AKAP13: variants seen among roughly 807,000 people sequenced by gnomAD.
AKAP13 encodes the protein A-kinase anchor protein 13.
In AKAP13, 80 loss-of-function variants were observed where a neutral mutation model predicts 264.5. That is an observed-to-expected ratio of 0.30 (90% confidence interval 0.25 to 0.36). AKAP13 has a LOEUF of 0.36. AKAP13 is among the 10% of genes least tolerant of loss of function. The pLI, the probability that AKAP13 is intolerant of heterozygous loss-of-function variation, is 1.00. For missense variants in AKAP13, 3,712 were observed against 3,435.2 expected (o/e 1.08, Z -2.01); for synonymous variants, 1,380 against 1,250.2 (o/e 1.10, Z -2.19).
intron 4 of AKAP13, among the ~76,000 whole-genome samples, chr15:85,543,364 A>G (rs965574884): frequency 3.9e-5 from 6 of 152,206 alleles, no homozygotes; most frequent in East Asian, 1.9e-4. Flanking sequence ...CCCAACAGCT[A>G]TTCCCTCTTG....
chr15:85,421,581 GTGTGCGCGCGCGCC>G (rs1471572752), intron 1 of AKAP13, among the ~76,000 whole-genome samples: 4 of 152,238 alleles, frequency 2.6e-5, no homozygotes, highest in Non-Finnish European at 1.5e-5. Context: ...GTGTGTGCGC[GTGTGCGCGCGCGCC>G]TGTGCACACT....
At chr15:85,547,183 AT>A (rs2077781883) in intron 5 of AKAP13, among the ~76,000 whole-genome samples, 1 of 152,192 alleles carries the variant, frequency 6.6e-6, no homozygotes, top group African/African-American at 2.4e-5. Flanking sequence ...TATATTTTAC[AT>A]TTATTGAATA....
At chr15:85,458,289 GA>G (rs2074354572) in intron 1 of AKAP13, among the ~76,000 whole-genome samples, 1 of 151,120 alleles carries the variant, frequency 6.6e-6, no homozygotes, top group South Asian at 2.1e-4. Flanking sequence ...ATATAAAGTA[GA>G]AAAATGAAAA....
chr15:85,650,676 A>G (rs2082763647), intron 10 of AKAP13, among the ~76,000 whole-genome samples: 1 of 142,276 alleles, frequency 7.0e-6, no homozygotes, highest in Non-Finnish European at 1.5e-5. Flanking sequence ...GAATCATTCG[A>G]ACCTGGGAGG....
chr15:85,688,201 C>T (rs1314640174), intron 16 of AKAP13, among the ~76,000 whole-genome samples: 2 of 152,026 alleles, frequency 1.3e-5, no homozygotes, highest in Non-Finnish European at 2.9e-5. Flanking sequence ...ATTAAATTTT[C>T]TTAACATAGT....
chr15:85,606,468 A>G (rs1034500783), intron 8 of AKAP13, among the ~76,000 whole-genome samples: 2 of 152,090 alleles, frequency 1.3e-5, no homozygotes, highest in Non-Finnish European at 2.9e-5. Flanking sequence ...ATGCATATTT[A>G]TTTACACAGA....
chr15:85,611,382 ACTT>A lies in AKAP13; in HGVS notation c.4161+25562_4161+25564del, dbSNP rs2080615390. On this transcript the variant is annotated intron_variant, in intron 8 of 36. Coordinates refer to ENST00000394518, the MANE Select transcript of AKAP13 (RefSeq NM_007200.5). ...TCATCTGATCTCTCCCCTGCCACCT[ACTT>A]CTGCTGCATTCCGCCCTTTACCTAG... Among the ~76,000 whole-genome samples, 6 of 152,212 alleles carry A rather than the reference ACTT, an allele frequency of 3.9e-5. No individual in the cohort carries two copies. In the South Asian group the frequency reaches 1.2e-3, roughly 32 times the overall value.
rs145381126 is a variant in AKAP13 at position 85,413,589 on chromosome 15, T to G, written c.-12+32791T>G. ...GGGTTATTGTGCTGCAAGCATCAGG[T>G]GACTGAAAAAGCAAACATGAAAGTA... On this transcript the variant is annotated intron_variant, in intron 1 of 36. Transcript: ENST00000394518. Among the ~76,000 whole-genome samples the G allele has an allele frequency of 9.9e-3, 1,501 of 152,258 alleles. 13 individuals are homozygous for G. The highest frequency in any genetic ancestry group is 0.043 in the South Asian group (209 of 4,820).
At chr15:85,442,494 T>G (rs1567059602) in intron 1 of AKAP13, among the ~76,000 whole-genome samples, 1 of 107,220 alleles carries the variant, frequency 9.3e-6, no homozygotes, top group Non-Finnish European at 1.9e-5. Context: ...ATATATAATA[T>G]ATATTATATT....
intron 8 of AKAP13, among the ~76,000 whole-genome samples, chr15:85,598,610 A>G (rs1191258402): frequency 6.6e-6 from 1 of 152,168 alleles, no homozygotes; most frequent in Admixed American, 6.5e-5. Context: ...AATATGTACT[A>G]TTTTGTATGC....
chr15:85,684,176 A>C (rs1265633799), intron 15 of AKAP13, among the ~76,000 whole-genome samples: 1 of 152,220 alleles, frequency 6.6e-6, no homozygotes, highest in South Asian at 2.1e-4. Flanking sequence ...TGTAGATTGA[A>C]TGCTATTGTA....
intron 1 of AKAP13, among the ~76,000 whole-genome samples, chr15:85,394,245 T>TA (rs1406176417): frequency 6.6e-6 from 1 of 152,238 alleles, no homozygotes; most frequent in East Asian, 1.9e-4. Context: ...CATCTTTTCT[T>TA]ACCTGCCTAG....
At position 85,741,129 on chromosome 15, in the gene AKAP13, C is replaced by G. The variant is rs565097911; in HGVS notation, c.7692C>G (p.Arg2564=). 42 of 1,613,634 alleles carry G rather than the reference C, an allele frequency of 2.6e-5. 1 individual carries two copies. The South Asian group carries it at 4.4e-4, about 17-fold the overall frequency. The change falls in exon 35 of 37, where the codon CGC becomes CGG. Residue 2564 remains arginine, a synonymous_variant. Coordinates refer to ENST00000394518, the MANE Select transcript of AKAP13 (RefSeq NM_007200.5). ...GGGCGCTCACTCGCAGCTTGTCCCG[C>G]CCGAGCTCCCTCATTGAGCAGGAGA... is the stretch of plus-strand genomic sequence containing the variant. The part of the protein sequence containing the change: ...SERALTRSLS[R]PSSLIEQEKQ...
At chr15:85,647,525 C>CT (rs11352178) in intron 10 of AKAP13, among the ~76,000 whole-genome samples, 43 of 149,378 alleles carry the variant, frequency 2.9e-4, no homozygotes, top group South Asian at 1.3e-3. Context: ...CCTTCCCTGA[C>CT]TTTTTTTTTT....
In AKAP13 at chr15:85,485,747, C is replaced by A; in HGVS notation, c.27C>A (p.Pro9=). 6.2e-7 allele frequency: 1 copy of A among 1,612,934 alleles called. No homozygotes were observed. Among genetic ancestry groups the A allele is most frequent in the Non-Finnish European group, 8.5e-7 (1 of 1,179,148 alleles). MKLNPQQA[P]LYGDCVVTVL... ...TGAAACTTAATCCACAGCAAGCTCC[C>A]TTATATGTGAGTAAATCATGAGATT... Residue 9 remains proline (P), a synonymous_variant, in exon 2 of 37, where the codon CCC becomes CCA. Transcript: ENST00000394518.
Position 85,669,814 on chromosome 15 carries a change from C to A in AKAP13, c.5085C>A (p.Ser1695Arg). 6 of 1,608,668 alleles carry A rather than the reference C, an allele frequency of 3.7e-6. No homozygotes were observed. Among genetic ancestry groups the A allele is most frequent in the Non-Finnish European group, 5.1e-6 (6 of 1,175,252 alleles). ...AATCCATCTCATTAATGACAATCAG[C>A]CATCCTGGATTGGACAGTGAGTATA... ...LTKSISLMTI[S>R]HPGLDNSRPF... Residue 1695 changes from serine to arginine, a missense_variant, in exon 14 of 37, where the codon AGC becomes AGA. Transcript: ENST00000394518.
intron 1 of AKAP13, among the ~76,000 whole-genome samples, chr15:85,397,741 A>G (rs546563528): frequency 3.9e-5 from 6 of 152,340 alleles, no homozygotes; most frequent in African/African-American, 1.2e-4. Flanking sequence ...CATTTTATTT[A>G]AGGCCTGTTG....
chr15:85,741,361 CAGA>C lies in AKAP13; in HGVS notation c.7930_7932del (p.Lys2644del), dbSNP rs779109379. 35 of 1,614,020 alleles carry C rather than the reference CAGA, an allele frequency of 2.2e-5. No individual in the cohort carries two copies. Among genetic ancestry groups the C allele is most frequent in the African/African-American group, 2.7e-5 (2 of 75,032 alleles). On this transcript the variant is annotated inframe_deletion, in exon 35 of 37. Transcript: ENST00000394518. Reference sequence around the variant, plus strand: ...GGAAAAGGAGCGGGAGGAGCTCCAGCAGAAGAAGGGCACATACCAGTATGACCT... The same window carrying C: ...GGAAAAGGAGCGGGAGGAGCTCCAGCAGAAGGGCACATACCAGTATGACCT...
Position 85,579,533 on chromosome 15 carries a change from C to T in AKAP13, c.1465C>T (p.Pro489Ser). The T allele has an allele frequency of 6.2e-7, 1 of 1,614,086 alleles. No homozygotes were observed. Among genetic ancestry groups the T allele is most frequent in the Non-Finnish European group, 8.5e-7 (1 of 1,180,024 alleles). ...GGAAATGGAACATGGGCTCATGAAC[C>T]CAGATGCCACTGTTTGGAAGAATGT... ...AGEMEHGLMN[P>S]DATVWKNVLQ... The change falls in exon 7 of 37, where the codon CCA (proline) becomes TCA (serine). Residue 489 changes from proline to serine, a missense_variant. This residue lies in a region of AKAP13 where 2,759 missense variants were observed against 2,411.7 expected (regional missense o/e 1.14). Coordinates refer to ENST00000394518, the MANE Select transcript of AKAP13 (RefSeq NM_007200.5).
Sources: allele counts gnomAD v4.1 joint callset (sites outside exome capture counted in the v4.1 genomes callset), GRCh38; gene constraint gnomAD v4.1.1; regional missense constraint gnomAD v4.1.1; transcripts MANE v1.5; gene names NCBI Gene and HGNC (gene_info 2026-07-23, HGNC 2026-07-21).